Variants in CNTN6 observed in about 807,000 individuals in gnomAD.
CNTN6 encodes the protein contactin-6.
Under a neutral mutation model 122.8 loss-of-function variants are expected in CNTN6, and 137 were observed. The ratio of observed to expected loss-of-function variants is 1.12; its 90% CI spans 0.97 to 1.29. The LOEUF is 1.29. Among genes scored for constraint, CNTN6 ranks in the 50% most tolerant of loss-of-function variants. CNTN6 has a pLI of 0.00. For missense variants in CNTN6, 1,634 were observed against 1,223.4 expected, an observed-to-expected ratio of 1.34 and a Z score of -5.01; for synonymous variants, 570 against 426.0, an observed-to-expected ratio of 1.34 and a Z score of -4.16.
At chr3:1,351,561 T>C (rs1179632973) in intron 11 of CNTN6, among the ~76,000 whole-genome samples, 2 of 151,612 alleles carry the variant, frequency 1.3e-5, no homozygotes, top group Non-Finnish European at 3.0e-5. Context: ...GGGTTTTTTT[T>C]TTTTTTCTGA....
At chr3:1,387,762 G>T (rs1250637151) in intron 20 of CNTN6, among the ~76,000 whole-genome samples, 2 of 147,776 alleles carry the variant, frequency 1.4e-5, no homozygotes, top group Non-Finnish European at 3.1e-5. Context: ...AGCGCAAGGG[G>T]TCAGGGAGTT....
chr3:1,384,573 C>T (rs148421035), intron 19 of CNTN6, among the ~76,000 whole-genome samples: 111 of 151,538 alleles, frequency 7.3e-4, no homozygotes, highest in Middle Eastern at 3.4e-3. Flanking sequence ...TCTTTTTCAA[C>T]TTGCAAATTC....
At chr3:1,106,852 G>C (rs2091248078) in intron 1 of CNTN6, among the ~76,000 whole-genome samples, 1 of 151,988 alleles carries the variant, frequency 6.6e-6, no homozygotes, top group South Asian at 2.1e-4. Context: ...GGATTATTTT[G>C]TTTTATTGAC....
chr3:1,201,416 T>G (rs2093870682), intron 2 of CNTN6, among the ~76,000 whole-genome samples: 1 of 152,186 alleles, frequency 6.6e-6, no homozygotes, highest in African/African-American at 2.4e-5. Context: ...CATGGAGTTT[T>G]GTTGAGATTT....
intron 17 of CNTN6, among the ~76,000 whole-genome samples, chr3:1,381,982 A>G (rs1235573945): frequency 1.3e-5 from 2 of 151,884 alleles, no homozygotes; most frequent in Non-Finnish European, 1.5e-5. Context: ...AGATAGTGTG[A>G]TTGATAGAAT....
chr3:1,360,845 A>G (rs1029414189), intron 12 of CNTN6, among the ~76,000 whole-genome samples: 1 of 152,040 alleles, frequency 6.6e-6, no homozygotes, highest in South Asian at 2.1e-4. Context: ...ACTTGTTTCT[A>G]CTGTCTTCTT....
chr3:1,200,078 A>T (rs187654358), intron 2 of CNTN6, among the ~76,000 whole-genome samples: 25 of 152,162 alleles, frequency 1.6e-4, no homozygotes, highest in Non-Finnish European at 3.1e-4. Flanking sequence ...ATTTTTTAAG[A>T]TGAAGTCTCG....
intron 7 of CNTN6, among the ~76,000 whole-genome samples, chr3:1,304,830 A>C (rs1177809103): frequency 1.3e-5 from 2 of 151,774 alleles, no homozygotes; most frequent in Non-Finnish European, 2.9e-5. Flanking sequence ...CCTTATCTAC[A>C]AAAAATACAA....
In CNTN6 at chr3:1,270,964, C is replaced by T. The variant is rs186845866; in HGVS notation, c.359-7449C>T. ...GTCACCCAGGCTAGAGTGTGGAGTG[C>T]AGTTGTGCGATCTTGGCTCACTGCA... is the stretch of plus-strand genomic sequence containing the variant. On this transcript the variant is annotated intron_variant, in intron 4 of 22. Coordinates refer to ENST00000446702, the MANE Select transcript of CNTN6 (RefSeq NM_001289080.2). Among the ~76,000 whole-genome samples, 333 of 152,270 alleles carry T rather than the reference C, an allele frequency of 2.2e-3. 1 individual carries two copies. The highest frequency in any genetic ancestry group is 7.7e-3 in the African/African-American group (321 of 41,558).
intron 2 of CNTN6, among the ~76,000 whole-genome samples, chr3:1,196,809 T>C (rs1242779498): frequency 6.6e-6 from 1 of 152,186 alleles, no homozygotes; most frequent in African/African-American, 2.4e-5. Flanking sequence ...CTAAATACCA[T>C]GCATTATTGC....
chr3:1,220,143 G>A (rs2094187867), intron 2 of CNTN6, among the ~76,000 whole-genome samples: 1 of 151,950 alleles, frequency 6.6e-6, no homozygotes, highest in South Asian at 2.1e-4. Context: ...ATGGCTTGAG[G>A]TCAGGAGTTT....
At chr3:1,346,582 G>T (rs1307998483) in intron 11 of CNTN6, among the ~76,000 whole-genome samples, 2 of 152,002 alleles carry the variant, frequency 1.3e-5, no homozygotes, top group South Asian at 2.1e-4. Context: ...TTTTTGCCAT[G>T]AGTTGAAGCA....
chr3:1,375,440 C>A (rs988699552), intron 16 of CNTN6, among the ~76,000 whole-genome samples: 1 of 152,074 alleles, frequency 6.6e-6, no homozygotes, highest in African/African-American at 2.4e-5. Flanking sequence ...CAAAGACTAA[C>A]AACTTGTTCT....
At chr3:1,293,238 C>T (rs114854669) in intron 5 of CNTN6, among the ~76,000 whole-genome samples, 2 of 151,952 alleles carry the variant, frequency 1.3e-5, no homozygotes, top group African/African-American at 2.4e-5. Flanking sequence ...TCTTTCCTTC[C>T]TTCCACATTT....
Position 1,403,474 on chromosome 3 carries a change from T to A in CNTN6, c.*56T>A. ...TTGAAAGCAAATCATTCTGTATATATGCTCTCCAGCCTCTGACACAAGATG... is the reference window on the plus strand; with the variant it reads ...TTGAAAGCAAATCATTCTGTATATAAGCTCTCCAGCCTCTGACACAAGATG... On this transcript the variant is annotated 3_prime_UTR_variant, in exon 23 of 23. Transcript: ENST00000446702. The A allele has an allele frequency of 9.0e-7, 1 of 1,110,000 alleles. No individual in the cohort carries two copies. Among genetic ancestry groups the A allele is most frequent in the Non-Finnish European group, 1.4e-6 (1 of 734,422 alleles). 68.8% of individuals were successfully genotyped at this position (1,110,000 alleles called of 1,614,324 possible).
At chr3:1,241,295 G>T (rs543441916) in intron 4 of CNTN6, among the ~76,000 whole-genome samples, 67 of 138,754 alleles carry the variant, frequency 4.8e-4, no homozygotes, top group East Asian at 7.1e-4. Flanking sequence ...AAGTGTTGGG[G>T]TGGTGAAAAT....
chr3:1,371,742 G>C (rs77860930), intron 12 of CNTN6, among the ~76,000 whole-genome samples: 6,727 of 152,168 alleles, frequency 0.044, 214 homozygotes, highest in Non-Finnish European at 0.071. Flanking sequence ...AATTATTAAA[G>C]GGAAAACTTC....
chr3:1,200,917 CTTTCGTTCTTTT>C (rs1301347665), intron 2 of CNTN6, among the ~76,000 whole-genome samples: 1 of 148,026 alleles, frequency 6.8e-6, no homozygotes, highest in African/African-American at 2.5e-5. Flanking sequence ...CCCTTTGTTT[CTTTCGTTCTTTT>C]TTTCTTTTTT....
At chr3:1,169,717 T>C (rs2093325140) in intron 2 of CNTN6, among the ~76,000 whole-genome samples, 1 of 152,220 alleles carries the variant, frequency 6.6e-6, no homozygotes, top group South Asian at 2.1e-4. Flanking sequence ...GTGCCAATTA[T>C]GTAGATAGCC....
Sources: gnomAD v4.1 joint callset for allele counts (sites outside exome capture counted in the v4.1 genomes callset) on GRCh38, gnomAD v4.1.1 for gene constraint, MANE v1.5 for transcripts, NCBI Gene and HGNC (gene_info 2026-07-23, HGNC 2026-07-21) for gene names.